The following PCCA variants were observed in gnomAD, a reference collection of about 807,000 sequenced individuals.
The protein encoded by PCCA is propionyl-CoA carboxylase alpha chain, mitochondrial.
PCCA carries 74 observed loss-of-function variants against 101.3 expected under a neutral mutation model. The observed-to-expected ratio is 0.73, with a 90% CI of 0.61 to 0.89. The LOEUF (loss-of-function observed/expected upper bound fraction) is 0.89, where lower values mean the gene tolerates loss of function less well. PCCA is among the 40% of genes least tolerant of loss of function. PCCA has a pLI of 0.00. For missense variants in PCCA, 891 were observed against 907.0 expected, an observed-to-expected ratio of 0.98 and a Z score of 0.23; for synonymous variants, 294 against 313.6, an observed-to-expected ratio of 0.94 and a Z score of 0.66.
At chr13:100,150,419 G>T in intron 4 of PCCA, 1 of 428,306 alleles carries the variant, frequency 2.3e-6, no homozygotes. Flanking sequence ...CATTGTATAT[G>T]TTTATTTATA....
At chr13:100,528,549 G>A (rs1368240489) in intron 23 of PCCA, among the ~76,000 whole-genome samples, 1 of 152,218 alleles carries the variant, frequency 6.6e-6, no homozygotes, top group African/African-American at 2.4e-5. Context: ...CTCATGCTCT[G>A]TCACTGCAGA....
At chr13:100,228,172 C>T (rs145901752) in intron 7 of PCCA, among the ~76,000 whole-genome samples, 28 of 152,114 alleles carry the variant, frequency 1.8e-4, no homozygotes, top group African/African-American at 3.1e-4. Flanking sequence ...CATGCCACCA[C>T]GCCCAGCTGA....
intron 7 of PCCA, among the ~76,000 whole-genome samples, chr13:100,224,672 G>T (rs1453141113): frequency 6.6e-6 from 1 of 152,240 alleles, no homozygotes; most frequent in Non-Finnish European, 1.5e-5. Context: ...AGGCGCAGGG[G>T]CCTATGCATA....
intron 2 of PCCA, among the ~76,000 whole-genome samples, chr13:100,110,606 T>C (rs2048222288): frequency 6.6e-6 from 1 of 152,220 alleles, no homozygotes; most frequent in Admixed American, 6.5e-5. Context: ...ATCTGCTTAG[T>C]CTGGGCATTT....
chr13:100,189,647 T>C (rs1055842039), intron 6 of PCCA, among the ~76,000 whole-genome samples: 1 of 152,238 alleles, frequency 6.6e-6, no homozygotes, highest in Non-Finnish European at 1.5e-5. Context: ...TTTGGGTTCT[T>C]GGTCTTGAAG....
intron 11 of PCCA, among the ~76,000 whole-genome samples, chr13:100,269,007 G>A (rs2063129036): frequency 6.6e-6 from 1 of 152,056 alleles, no homozygotes. Context: ...GTGCCACCAT[G>A]CCCAGCTAAT....
At chr13:100,468,093 G>A (rs1443623189) in intron 21 of PCCA, among the ~76,000 whole-genome samples, 2 of 152,192 alleles carry the variant, frequency 1.3e-5, no homozygotes, top group African/African-American at 2.4e-5. Context: ...CAGGTAACAA[G>A]GTGCATTGTC....
rs148259129 is a variant in PCCA at position 100,247,505 on chromosome 13, C to T, written c.638-10090C>T. Among the ~76,000 whole-genome samples the T allele has an allele frequency of 1.5e-3, 209 of 139,956 alleles. 1 individual carries two copies. Among genetic ancestry groups the T allele is most frequent in the African/African-American group, 5.5e-3 (198 of 36,046 alleles). The allele number at this position is 139,956 out of a possible 152,430, so 91.8% of individuals were successfully genotyped here. ...TGCTGGGATTACAGGTGTGAGCCAC[C>T]GTGCCCGGCCTTTTTTTTTTTTTTT... is the stretch of plus-strand genomic sequence containing the variant. On this transcript the variant is annotated intron_variant, in intron 8 of 23. Transcript: ENST00000376285.
chr13:100,462,612 T>A (rs1038254860), intron 21 of PCCA, among the ~76,000 whole-genome samples: 4 of 152,178 alleles, frequency 2.6e-5, no homozygotes, highest in Non-Finnish European at 5.9e-5. Flanking sequence ...TGGTTAAGAA[T>A]TTGCATTTTA....
In PCCA at chr13:100,504,770, A is replaced by C. The variant is rs551345210; in HGVS notation, c.1900-10657A>C. 3.3e-5 allele frequency among the ~76,000 whole-genome samples: 5 copies of C among 152,286 alleles called. 1 individual carries two copies. The highest frequency in any genetic ancestry group is 1.2e-4 in the African/African-American group (5 of 41,550). ...GCTAACATGGTGAAACCCCATCTCT[A>C]CTAAAAATACAAAATAGCTGGGTGT... On this transcript the variant is annotated intron_variant, in intron 21 of 23. Coordinates refer to ENST00000376285, the MANE Select transcript of PCCA (RefSeq NM_000282.4).
intron 6 of PCCA, among the ~76,000 whole-genome samples, chr13:100,203,830 G>C (rs1433991906): frequency 6.6e-6 from 1 of 152,122 alleles, no homozygotes; most frequent in East Asian, 1.9e-4. Context: ...GTTCAAACAC[G>C]AGTAGAGATA....
At chr13:100,525,709 A>G (rs1186022257) in intron 22 of PCCA, among the ~76,000 whole-genome samples, 3 of 152,204 alleles carry the variant, frequency 2.0e-5, no homozygotes, top group African/African-American at 2.4e-5. Flanking sequence ...GGGCACACCT[A>G]CTGGCAGAGA....
At chr13:100,376,856 A>T (rs566861865) in intron 19 of PCCA, among the ~76,000 whole-genome samples, 2 of 152,248 alleles carry the variant, frequency 1.3e-5, no homozygotes, top group South Asian at 4.2e-4. Flanking sequence ...GGGGTATGAA[A>T]AAAAACTCCT....
At chr13:100,325,910 G>A (rs1044436525) in intron 16 of PCCA, among the ~76,000 whole-genome samples, 4 of 152,120 alleles carry the variant, frequency 2.6e-5, no homozygotes, top group African/African-American at 4.8e-5. Context: ...CGAAGGTGTC[G>A]AAGTGGCCTG....
chr13:100,431,858 T>TC (rs1157148411), intron 20 of PCCA, among the ~76,000 whole-genome samples: 1 of 149,918 alleles, frequency 6.7e-6, no homozygotes, highest in Non-Finnish European at 1.5e-5. Context: ...AGAGTGAGAC[T>TC]CCATCTCAAA....
chr13:100,449,411 A>G (rs1026680918), intron 21 of PCCA, 106 bp downstream of exon 21: 1 of 646,880 alleles, frequency 1.5e-6, no homozygotes, highest in Non-Finnish European at 2.7e-6. Context: ...AGATATTTAA[A>G]TTACCTCTAC....
chr13:100,491,804 TA>T, intron 21 of PCCA: 5 of 1,112,512 alleles, frequency 4.5e-6, no homozygotes, highest in Non-Finnish European at 5.7e-6. Context: ...CCAATAAATG[TA>T]AATATTTTGG....
intron 21 of PCCA, among the ~76,000 whole-genome samples, chr13:100,471,760 G>A (rs1345988128): frequency 6.6e-6 from 1 of 152,208 alleles, no homozygotes; most frequent in African/African-American, 2.4e-5. Flanking sequence ...CTGTGTGTGT[G>A]TTCTGTGTGC....
In PCCA at chr13:100,330,591, A is replaced by G; in HGVS notation, c.1460A>G (p.Glu487Gly). Residue 487 changes from glutamate (E) to glycine (G), a missense_variant, in exon 17 of 24, where the codon GAG becomes GGG. Physicochemically the swap from Glu to Gly is moderately conservative, Grantham distance 98. Coordinates refer to ENST00000376285, the MANE Select transcript of PCCA (RefSeq NM_000282.4). ...ACACATAATATTGCATTACTTCGAG[A>G]GGTGATAATCAACTCACGCTTTGTA... is the stretch of plus-strand genomic sequence containing the variant. ...GVTHNIALLR[E>G]VIINSRFVKG... The G allele has an allele frequency of 6.2e-7, 1 of 1,610,472 alleles. No homozygotes were observed. The highest frequency in any genetic ancestry group is 8.5e-7 in the Non-Finnish European group (1 of 1,176,978).
Sources: gnomAD v4.1 joint callset for allele counts (sites outside exome capture counted in the v4.1 genomes callset) on GRCh38, gnomAD v4.1.1 for gene constraint, MANE v1.5 for transcripts, NCBI Gene and HGNC (gene_info 2026-07-23, HGNC 2026-07-21) for gene names.